RBMS3: variants seen among roughly 807,000 people sequenced by gnomAD.
The protein encoded by RBMS3 is RNA-binding motif, single-stranded-interacting protein 3.
In RBMS3, 27 loss-of-function variants were observed where a neutral mutation model predicts 66.8. The observed-to-expected ratio is 0.40, with a 90% CI of 0.30 to 0.56. The LOEUF (loss-of-function observed/expected upper bound fraction) is 0.56. Ranked by LOEUF, RBMS3 falls within the 20% of genes least tolerant of loss-of-function variation. RBMS3 has a pLI of 0.40. For missense variants in RBMS3, 513 were observed against 549.5 expected (o/e 0.93, Z 0.66); for synonymous variants, 188 against 183.0 (o/e 1.03, Z -0.22).
intron 12 of RBMS3, among the ~76,000 whole-genome samples, chr3:29,952,169 A>C (rs2149717018): frequency 6.6e-6 from 1 of 151,932 alleles, no homozygotes; most frequent in South Asian, 2.1e-4. Flanking sequence ...GTAACCTCTA[A>C]CATTTTCCCC....
At chr3:29,761,346 T>C (rs34722325) in intron 5 of RBMS3, among the ~76,000 whole-genome samples, 72,818 of 151,958 alleles carry the variant, frequency 0.48, 18,046 homozygotes, top group African/African-American at 0.6. Flanking sequence ...TTCCTGATAT[T>C]ATCTTCAAAC....
chr3:29,715,659 T>C (rs1576599513), intron 4 of RBMS3, among the ~76,000 whole-genome samples: 1 of 152,094 alleles, frequency 6.6e-6, no homozygotes, highest in Non-Finnish European at 1.5e-5. Flanking sequence ...TGAATGGCTG[T>C]TTTTCTGATT....
intron 1 of RBMS3, among the ~76,000 whole-genome samples, chr3:29,418,863 A>G (rs564023608): frequency 6.6e-6 from 1 of 152,294 alleles, no homozygotes; most frequent in East Asian, 1.9e-4. Flanking sequence ...CTGTATTATT[A>G]CTAAAGCAGT....
chr3:29,892,542 G>A (rs114748136), intron 8 of RBMS3, among the ~76,000 whole-genome samples: 1,516 of 151,518 alleles, frequency 0.01, 11 homozygotes, highest in Non-Finnish European at 0.016. Context: ...ATCACCTGTG[G>A]CTTAGAACCA....
chr3:29,942,604 G>T (rs2061418437), intron 11 of RBMS3, among the ~76,000 whole-genome samples: 1 of 151,796 alleles, frequency 6.6e-6, no homozygotes, highest in Non-Finnish European at 1.5e-5. Context: ...CAACTCTAAA[G>T]AAGTATTATA....
At chr3:29,979,142 G>T (rs1353864674) in intron 12 of RBMS3, among the ~76,000 whole-genome samples, 1 of 151,522 alleles carries the variant, frequency 6.6e-6, no homozygotes, top group Non-Finnish European at 1.5e-5. Context: ...AAAACAAAAA[G>T]AAACGAGAAG....
At chr3:29,769,850 A>T (rs2056121016) in intron 6 of RBMS3, among the ~76,000 whole-genome samples, 1 of 151,938 alleles carries the variant, frequency 6.6e-6, no homozygotes, top group African/African-American at 2.4e-5. Flanking sequence ...TTTGGGGGAA[A>T]ACATTGAGGA....
chr3:29,509,066 TG>T (rs1476697375), intron 3 of RBMS3, among the ~76,000 whole-genome samples: 1 of 151,926 alleles, frequency 6.6e-6, no homozygotes, highest in African/African-American at 2.4e-5. Context: ...TTTGTAAGTT[TG>T]TTTAAGTTCT....
intron 10 of RBMS3, among the ~76,000 whole-genome samples, chr3:29,915,334 T>C (rs2060612078): frequency 6.6e-6 from 1 of 151,948 alleles, no homozygotes; most frequent in South Asian, 2.1e-4. Flanking sequence ...TCAGAGTGAC[T>C]CACTAATTCC....
At chr3:29,684,675 C>T (rs918750407) in intron 4 of RBMS3, among the ~76,000 whole-genome samples, 26 of 151,678 alleles carry the variant, frequency 1.7e-4, no homozygotes, top group African/African-American at 6.3e-4. Flanking sequence ...ATGATTGATC[C>T]CTTCTATTTA....
intron 4 of RBMS3, among the ~76,000 whole-genome samples, chr3:29,702,987 C>T (rs192494898): frequency 2.5e-4 from 38 of 152,306 alleles, no homozygotes; most frequent in Middle Eastern, 3.4e-3. Flanking sequence ...GACTAACTTT[C>T]GTTAAGTGTT....
At chr3:29,952,628 C>T (rs896373618) in intron 12 of RBMS3, among the ~76,000 whole-genome samples, 2 of 151,564 alleles carry the variant, frequency 1.3e-5, no homozygotes, top group Non-Finnish European at 3.0e-5. Context: ...GATTTGTTTC[C>T]CTGAGCTGTA....
intron 4 of RBMS3, 102 bp from the exon 5 acceptor site, chr3:29,739,618 G>T: frequency 9.2e-7 from 1 of 1,088,004 alleles, no homozygotes; most frequent in Non-Finnish European, 1.3e-6. Flanking sequence ...AGAGCATTTT[G>T]GAGATTATTA....
rs980356775 is a variant in RBMS3, at chr3:30,010,085, A to AAG, written c.*6223_*6224insAG. On this transcript the variant is annotated 3_prime_UTR_variant, in exon 15 of 15. Transcript: ENST00000383767. ...ATATTCAGTCTCTATAAAAAAAAAA[A>AAG]GGGACACAGCTTCTTTTAAAACCCT... 1 of 151,144 alleles carries AAG rather than the reference A, an allele frequency of 6.6e-6. No individual in the cohort carries two copies. Among genetic ancestry groups the AAG allele is most frequent in the African/African-American group, 2.4e-5 (1 of 41,036 alleles). 9.4% of individuals were successfully genotyped at this position (151,144 alleles called of 1,614,324 possible).
chr3:29,541,731 G>A (rs935384849), intron 3 of RBMS3, among the ~76,000 whole-genome samples: 5 of 152,160 alleles, frequency 3.3e-5, no homozygotes, highest in Non-Finnish European at 7.3e-5. Context: ...AGTAATGCAA[G>A]GCTTATGCCA....
Position 29,336,961 on chromosome 3 carries a change from A to C in RBMS3, c.75+55205A>C, listed in dbSNP as rs1003070092. ...CTTCTAATACTCTTTGGTCTTTTAA[A>C]GTATACAGTTTTAGCAAATCTGAAA... On this transcript the variant is annotated intron_variant, in intron 1 of 14. Coordinates refer to ENST00000383767, the MANE Select transcript of RBMS3 (RefSeq NM_001003793.3). Among the ~76,000 whole-genome samples, 33 of 152,172 alleles carry C rather than the reference A, an allele frequency of 2.2e-4. 1 individual carries two copies. Among genetic ancestry groups the C allele is most frequent in the Admixed American group, 1.9e-3 (29 of 15,270 alleles).
chr3:29,737,775 C>T (rs1402230338), intron 4 of RBMS3, among the ~76,000 whole-genome samples: 1 of 151,246 alleles, frequency 6.6e-6, no homozygotes, highest in East Asian at 1.9e-4. Flanking sequence ...TGTTTTTTCT[C>T]TAGGACCATT....
chr3:29,720,142 T>C (rs1048344970), intron 4 of RBMS3, among the ~76,000 whole-genome samples: 1 of 152,150 alleles, frequency 6.6e-6, no homozygotes, highest in African/African-American at 2.4e-5. Context: ...TGGCCCTTTT[T>C]ATTTACCCAG....
chr3:29,666,694 T>C (rs2050774450), intron 4 of RBMS3, among the ~76,000 whole-genome samples: 1 of 152,310 alleles, frequency 6.6e-6, no homozygotes, highest in Admixed American at 6.5e-5. Flanking sequence ...GAAAGCAGTA[T>C]CATTTGCATC....
Sources: gnomAD v4.1 joint callset for allele counts (sites outside exome capture counted in the v4.1 genomes callset) on GRCh38, gnomAD v4.1.1 for gene constraint, MANE v1.5 for transcripts, NCBI Gene and HGNC (gene_info 2026-07-23, HGNC 2026-07-21) for gene names.